The following FAM53B variants were observed in gnomAD, a reference collection of about 807,000 sequenced individuals.
FAM53B encodes protein FAM53B.
A neutral mutation model predicts 32.7 loss-of-function variants in FAM53B; 12 were observed. That is an observed-to-expected ratio of 0.37 (90% CI 0.24 to 0.59). The LOEUF (loss-of-function observed/expected upper bound fraction) is 0.59, where lower values mean the gene tolerates loss of function less well. Ranked by LOEUF, FAM53B falls within the 20% of genes least tolerant of loss-of-function variation. The pLI is 0.72. For missense variants in FAM53B, 477 were observed against 577.7 expected, an observed-to-expected ratio of 0.83 and a Z score of 1.79; for synonymous variants, 234 against 228.7, an observed-to-expected ratio of 1.02 and a Z score of -0.21.
chr10:124,627,145 G>A (rs933850409), intron 4 of FAM53B, among the ~76,000 whole-genome samples: 2 of 152,204 alleles, frequency 1.3e-5, no homozygotes, highest in African/African-American at 4.8e-5. Context: ...GCCCCAGCTG[G>A]TGGCGAGCCC....
At chr10:124,643,100 A>T (rs960338931) in intron 4 of FAM53B, among the ~76,000 whole-genome samples, 1 of 152,230 alleles carries the variant, frequency 6.6e-6, no homozygotes, top group African/African-American at 2.4e-5. Context: ...CACACAAAAC[A>T]CAAACAAAAA....
At chr10:124,636,061 G>A (rs532675672) in intron 4 of FAM53B, among the ~76,000 whole-genome samples, 6 of 152,330 alleles carry the variant, frequency 3.9e-5, no homozygotes, top group Admixed American at 2.6e-4. Context: ...TCGAACACGT[G>A]AATGTACTGT....
chr10:124,673,817 G>C (rs1337068512), intron 4 of FAM53B, among the ~76,000 whole-genome samples: 1 of 152,224 alleles, frequency 6.6e-6, no homozygotes, highest in African/African-American at 2.4e-5. Context: ...CCCCAGACCT[G>C]CTAATTCAGA....
At chr10:124,732,160 G>A (rs1950147622) in intron 1 of FAM53B, among the ~76,000 whole-genome samples, 4 of 152,222 alleles carry the variant, frequency 2.6e-5, no homozygotes, top group Admixed American at 2.6e-4. Context: ...TCAGAGATGA[G>A]CAGCCAGCCA....
intron 4 of FAM53B, among the ~76,000 whole-genome samples, chr10:124,631,977 G>A (rs1031203558): frequency 6.6e-6 from 1 of 152,200 alleles, no homozygotes; most frequent in Non-Finnish European, 1.5e-5. Flanking sequence ...GGGGCAGAGG[G>A]TAGGTAGGAA....
chr10:124,712,622 C>T (rs370940387), intron 1 of FAM53B, among the ~76,000 whole-genome samples: 2 of 152,154 alleles, frequency 1.3e-5, no homozygotes, highest in African/African-American at 2.4e-5. Flanking sequence ...CACCTCCCAC[C>T]TCTCTCCCGT....
chr10:124,698,583 T>C (rs772631095), intron 2 of FAM53B, among the ~76,000 whole-genome samples: 2 of 152,158 alleles, frequency 1.3e-5, no homozygotes, highest in Non-Finnish European at 2.9e-5. Flanking sequence ...TTCACTCAAC[T>C]TGCTCATTCA....
chr10:124,696,167 C>A lies in FAM53B; in HGVS notation c.124G>T (p.Gly42Ter). ...GGCCTTGAGTACTTACCCATAATTC[C>A]ACAAGAGAAAAGTGTAGGTCCTTGA... ...MSQGPTLFSCGIMENDRWRDL... is the reference protein window; with the variant it reads ...MSQGPTLFSC Residue 42 changes from glycine to a stop codon, truncating the protein, a stop_gained, in exon 3 of 5, where the codon GGA (glycine) becomes TGA (stop). Transcript: ENST00000337318. LOFTEE classifies it high-confidence loss of function. 6.2e-7 allele frequency: 1 copy of A among 1,614,022 alleles called. No individual in the cohort carries two copies. Among genetic ancestry groups the A allele is most frequent in the Non-Finnish European group, 8.5e-7 (1 of 1,179,920 alleles).
At chr10:124,739,911 C>T (rs959119411) in intron 1 of FAM53B, among the ~76,000 whole-genome samples, 2 of 152,228 alleles carry the variant, frequency 1.3e-5, no homozygotes, top group African/African-American at 4.8e-5. Context: ...TTCAGATCCA[C>T]CCATCAGCAT....
chr10:124,741,614 G>C (rs924414629), intron 1 of FAM53B, among the ~76,000 whole-genome samples: 2 of 152,186 alleles, frequency 1.3e-5, no homozygotes, highest in Non-Finnish European at 2.9e-5. Context: ...AAGCCCACTA[G>C]GCTTCTGTAG....
At chr10:124,678,449 T>C (rs1222423636) in intron 4 of FAM53B, among the ~76,000 whole-genome samples, 1 of 152,244 alleles carries the variant, frequency 6.6e-6, no homozygotes, top group Non-Finnish European at 1.5e-5. Context: ...TGGTGGCATC[T>C]GCTGCACAGA....
At chr10:124,665,560 T>G (rs184517494) in intron 4 of FAM53B, among the ~76,000 whole-genome samples, 1 of 152,246 alleles carries the variant, frequency 6.6e-6, no homozygotes, top group Non-Finnish European at 1.5e-5. Flanking sequence ...CAATCCCATA[T>G]GCATACATGG....
At chr10:124,720,923 G>T (rs570297735) in intron 1 of FAM53B, among the ~76,000 whole-genome samples, 11 of 152,336 alleles carry the variant, frequency 7.2e-5, no homozygotes, top group African/African-American at 2.6e-4. Context: ...ATCTGGGCCG[G>T]GTGCGGTGGC....
intron 4 of FAM53B, among the ~76,000 whole-genome samples, chr10:124,674,772 C>T (rs1949727332): frequency 6.6e-6 from 1 of 152,238 alleles, no homozygotes; most frequent in African/African-American, 2.4e-5. Flanking sequence ...GCTGGTAAGG[C>T]CTTGTTCTCC....
At chr10:124,705,218 G>T (rs1035635942) in intron 2 of FAM53B, among the ~76,000 whole-genome samples, 1 of 152,230 alleles carries the variant, frequency 6.6e-6, no homozygotes, top group African/African-American at 2.4e-5. Context: ...CCTGACTGAG[G>T]GAGGGCCACC....
chr10:124,714,758 CAAAA>C (rs71484584), intron 1 of FAM53B, among the ~76,000 whole-genome samples: 2 of 90,838 alleles, frequency 2.2e-5, no homozygotes, highest in Non-Finnish European at 4.1e-5. Flanking sequence ...GACTCCACCT[CAAAA>C]AAAAAAAAAA....
chr10:124,711,952 A>C (rs1012135552), intron 1 of FAM53B, among the ~76,000 whole-genome samples: 1 of 152,154 alleles, frequency 6.6e-6, no homozygotes, highest in Non-Finnish European at 1.5e-5. Flanking sequence ...AGTCGCAGGT[A>C]CTCAGAAGTC....
chr10:124,630,595 G>A (rs1327514496), intron 4 of FAM53B, among the ~76,000 whole-genome samples: 1 of 152,220 alleles, frequency 6.6e-6, no homozygotes, highest in Non-Finnish European at 1.5e-5. Flanking sequence ...CCTGAAAATA[G>A]GGAAATCAGG....
At chr10:124,739,912 C>T (rs1487143890) in intron 1 of FAM53B, among the ~76,000 whole-genome samples, 1 of 152,104 alleles carries the variant, frequency 6.6e-6, no homozygotes, top group Admixed American at 6.5e-5. Flanking sequence ...TCAGATCCAC[C>T]CATCAGCATT....
Sources: gnomAD v4.1 joint callset for allele counts (sites outside exome capture counted in the v4.1 genomes callset) on GRCh38, gnomAD v4.1.1 for gene constraint, MANE v1.5 for transcripts, NCBI Gene and HGNC (gene_info 2026-07-23, HGNC 2026-07-21) for gene names.